The following RFTN1 variants were observed in gnomAD, a reference collection of about 807,000 sequenced individuals.
The protein encoded by RFTN1 is raftlin.
Under a neutral mutation model 46.5 loss-of-function variants are expected in RFTN1, and 26 were observed. The ratio of observed to expected loss-of-function variants is 0.56; its 90% CI spans 0.41 to 0.78. The LOEUF (loss-of-function observed/expected upper bound fraction) is 0.78, where lower values mean the gene tolerates loss of function less well. Among genes scored for constraint, RFTN1 ranks in the 30% least tolerant of loss-of-function variants. The probability of loss-of-function intolerance (pLI) is 0.00; values close to 1 mark genes in which losing one functional copy is unlikely to be tolerated. For missense variants in RFTN1, 693 were observed against 718.7 expected, an observed-to-expected ratio of 0.96 and a Z score of 0.41; for synonymous variants, 261 against 284.2, an observed-to-expected ratio of 0.92 and a Z score of 0.82.
In RFTN1 at chr3:16,380,843, A is replaced by G. The variant is rs1332793869; in HGVS notation, c.442-2741T>C. Among the ~76,000 whole-genome samples, 1 of 152,246 alleles carries G rather than the reference A, an allele frequency of 6.6e-6. No homozygotes were observed. The highest frequency in any genetic ancestry group is 1.9e-4 in the East Asian group (1 of 5,206). ...ATGTCTGACATATAGCAGGTCCTCAATAAATATCTGTTGAATGAATGAATA... is the reference window on the plus strand; with the variant it reads ...ATGTCTGACATATAGCAGGTCCTCAGTAAATATCTGTTGAATGAATGAATA... On this transcript the variant is annotated intron_variant, in intron 4 of 9. Transcript: ENST00000334133. This position sits in a 1 kb window ranked among gnomAD's most constrained non-coding sequence, Gnocchi z 4.8.
At chr3:16,398,920 C>T (rs1240383427) in intron 4 of RFTN1, among the ~76,000 whole-genome samples, 1 of 152,122 alleles carries the variant, frequency 6.6e-6, no homozygotes, top group African/African-American at 2.4e-5. Context: ...GTTTTACTTC[C>T]TTGGATGTGG....
chr3:16,343,212 C>G (rs1407202426), intron 7 of RFTN1, among the ~76,000 whole-genome samples: 1 of 152,186 alleles, frequency 6.6e-6, no homozygotes, highest in Non-Finnish European at 1.5e-5. Context: ...TGCGCTAGTC[C>G]TTCCTGCCTA....
chr3:16,354,128 A>C (rs1372258061), intron 7 of RFTN1, among the ~76,000 whole-genome samples: 1 of 152,246 alleles, frequency 6.6e-6, no homozygotes, highest in Non-Finnish European at 1.5e-5. Flanking sequence ...TTGGAGAACA[A>C]AGATGAATAT....
rs553992644 is a variant in RFTN1 at position 16,498,460 on chromosome 3, A to G, written c.-8-4583T>C. On this transcript the variant is annotated intron_variant, in intron 1 of 9. Transcript: ENST00000334133. This position sits in a 1 kb window ranked among gnomAD's most constrained non-coding sequence, Gnocchi z 5.2. ...CCAATTTATGAAGTTTTCTTTGCTC[A>G]TTCAAACTCTGTTAAATTTAATTTG... 2.0e-5 allele frequency among the ~76,000 whole-genome samples: 3 copies of G among 152,358 alleles called. No homozygotes were observed. The highest frequency in any genetic ancestry group is 6.8e-3 in the Middle Eastern group (2 of 294).
chr3:16,439,672 A>G (rs2125508092), intron 2 of RFTN1, among the ~76,000 whole-genome samples: 1 of 152,288 alleles, frequency 6.6e-6, no homozygotes, highest in East Asian at 1.9e-4. Flanking sequence ...CCCACATGGC[A>G]TGTGTGGGTG....
rs7622858 is a variant in RFTN1 at position 16,346,883 on chromosome 3, T to C, written c.1146+11049A>G. On this transcript the variant is annotated intron_variant, in intron 7 of 9. Transcript: ENST00000334133. This position sits in a 1 kb window ranked among gnomAD's most constrained non-coding sequence, Gnocchi z 4.4. Reference sequence around the variant, plus strand: ...AGAAAGATGGCAACATCTGGATCCCTGGTGGCATCTTTAAGCTGTTGACAA... The same window carrying C: ...AGAAAGATGGCAACATCTGGATCCCCGGTGGCATCTTTAAGCTGTTGACAA... 0.24 allele frequency among the ~76,000 whole-genome samples: 36,296 copies of C among 152,090 alleles called. 4,567 individuals carry two copies. Among genetic ancestry groups the C allele is most frequent in the Middle Eastern group, 0.31 (92 of 294 alleles).
chr3:16,331,479 T>C (rs1020489139), intron 7 of RFTN1, among the ~76,000 whole-genome samples: 1 of 152,242 alleles, frequency 6.6e-6, no homozygotes, highest in Non-Finnish European at 1.5e-5. Flanking sequence ...TAATGCACTA[T>C]GACCATGCCT....
intron 7 of RFTN1, chr3:16,349,952 TTTC>T (rs1302296988): frequency 5.3e-5 from 8 of 152,252 alleles, no homozygotes; most frequent in Non-Finnish European, 1.2e-4. Flanking sequence ...CTCAATCTTT[TTTC>T]TTAAGGCCTT....
chr3:16,375,151 G>C (rs1032406739), intron 5 of RFTN1, among the ~76,000 whole-genome samples: 2 of 152,140 alleles, frequency 1.3e-5, no homozygotes, highest in African/African-American at 4.8e-5. Flanking sequence ...CTCCCTTAGG[G>C]GGCTCTGAGA....
intron 4 of RFTN1, among the ~76,000 whole-genome samples, chr3:16,390,672 G>T (rs1015663623): frequency 7.9e-5 from 12 of 152,218 alleles, no homozygotes; most frequent in African/African-American, 2.9e-4. Flanking sequence ...GTCAGAAAGG[G>T]TCACAGAGAC....
intron 2 of RFTN1, among the ~76,000 whole-genome samples, chr3:16,439,019 G>A (rs558860988): frequency 6.6e-6 from 1 of 152,230 alleles, no homozygotes; most frequent in African/African-American, 2.4e-5. Context: ...AAAATCTAAA[G>A]ATGTATCTCC....
chr3:16,510,618 G>C (rs2076881561), intron 1 of RFTN1, among the ~76,000 whole-genome samples: 2 of 152,166 alleles, frequency 1.3e-5, no homozygotes, highest in South Asian at 4.1e-4. Flanking sequence ...TTGACTTTAG[G>C]ATAGGAAAGA....
chr3:16,486,970 C>T (rs2076457449), intron 2 of RFTN1, among the ~76,000 whole-genome samples: 1 of 152,194 alleles, frequency 6.6e-6, no homozygotes, highest in South Asian at 2.1e-4. Flanking sequence ...TCTCTGTCTT[C>T]CCCCCAACCC....
At chr3:16,505,382 G>A (rs545567954) in intron 1 of RFTN1, among the ~76,000 whole-genome samples, 1 of 152,072 alleles carries the variant, frequency 6.6e-6, no homozygotes, top group Non-Finnish European at 1.5e-5. Context: ...TTCCTTTCCC[G>A]TACCTCTCAT....
Position 16,403,833 on chromosome 3 carries a change from AAATAT to A in RFTN1, c.441+5537_441+5541del, listed in dbSNP as rs1295421314. 7.4e-4 allele frequency among the ~76,000 whole-genome samples: 5 copies of A among 6,742 alleles called. 1 individual carries two copies. Among genetic ancestry groups the A allele is most frequent in the Non-Finnish European group, 1.0e-3 (5 of 5,006 alleles). The allele number at this position is 6,742 out of a possible 152,430, so 4.4% of individuals were successfully genotyped here. On this transcript the variant is annotated intron_variant, in intron 4 of 9. Transcript: ENST00000334133. ...TATATTTTATATTATATTTATATAT[AAATAT>A]AATATAATATATATTTTATATATAT...
rs145860600 is a variant in RFTN1 at position 16,423,177 on chromosome 3, A to G, written c.332+10674T>C. The stretch of plus-strand genomic sequence containing the variant: ...AGCGAGACTCTGTCTCAAAAAAAAA[A>G]AAAGTTAGACTCCCTGTCTTACTCC... On this transcript the variant is annotated intron_variant, in intron 3 of 9. Coordinates refer to ENST00000334133, the MANE Select transcript of RFTN1 (RefSeq NM_015150.2). Among the ~76,000 whole-genome samples the G allele has an allele frequency of 9.2e-3, 1,398 of 151,680 alleles. 14 individuals are homozygous for G. Among genetic ancestry groups the G allele is most frequent in the Non-Finnish European group, 0.012 (798 of 67,992 alleles).
rs1421171144 is a variant in RFTN1, at chr3:16,500,735, G to A, written c.-8-6858C>T. Among the ~76,000 whole-genome samples, 2 of 152,176 alleles carry A rather than the reference G, an allele frequency of 1.3e-5. No individual in the cohort carries two copies. The highest frequency in any genetic ancestry group is 2.1e-4 in the South Asian group (1 of 4,828). On this transcript the variant is annotated intron_variant, in intron 1 of 9. Coordinates refer to ENST00000334133, the MANE Select transcript of RFTN1 (RefSeq NM_015150.2). This position sits in a 1 kb window ranked among gnomAD's most constrained non-coding sequence, Gnocchi z 5.9. Reference sequence around the variant, plus strand: ...AGCGGTGGATCAGCTTCTTACAGGAGCTATCAGTTCCATGAGGGAGGGAAA... The same window carrying A: ...AGCGGTGGATCAGCTTCTTACAGGAACTATCAGTTCCATGAGGGAGGGAAA...
At chr3:16,366,850 C>T (rs1339636242) in intron 6 of RFTN1, among the ~76,000 whole-genome samples, 5 of 152,140 alleles carry the variant, frequency 3.3e-5, no homozygotes, top group African/African-American at 9.7e-5. Flanking sequence ...GTGCCCTAAG[C>T]TTGCCAGAGC....
chr3:16,411,596 T>C (rs1254488878), intron 3 of RFTN1, among the ~76,000 whole-genome samples: 2 of 152,234 alleles, frequency 1.3e-5, no homozygotes, highest in Non-Finnish European at 2.9e-5. Context: ...GGTCAGAGAC[T>C]AGACTCATGT....
Sources: allele counts gnomAD v4.1 joint callset (sites outside exome capture counted in the v4.1 genomes callset), GRCh38; gene constraint gnomAD v4.1.1; non-coding constraint Gnocchi (gnomAD v3.1); transcripts MANE v1.5; gene names NCBI Gene and HGNC (gene_info 2026-07-23, HGNC 2026-07-21).